GINS1: variants seen among roughly 807,000 people sequenced by gnomAD.
GINS1 encodes DNA replication complex GINS protein PSF1.
In GINS1, 26 loss-of-function variants were observed where a neutral mutation model predicts 34.9. The observed-to-expected ratio is 0.74, with a 90% CI of 0.55 to 1.03. GINS1 has a LOEUF of 1.03. Ranked by LOEUF, GINS1 falls within the 50% of genes least tolerant of loss-of-function variation. The pLI, the probability that GINS1 is intolerant of heterozygous loss-of-function variation, is 0.00. For synonymous variants in GINS1, 97 were observed against 84.4 expected, an observed-to-expected ratio of 1.15 and a Z score of -0.82; for missense variants, 235 against 237.9, an observed-to-expected ratio of 0.99 and a Z score of 0.08.
chr20:25,421,858 T>A (rs2090357451), intron 4 of GINS1, among the ~76,000 whole-genome samples: 1 of 152,188 alleles, frequency 6.6e-6, no homozygotes, highest in Non-Finnish European at 1.5e-5. Flanking sequence ...GTTACACTCT[T>A]CTCAGTGGAG....
intron 5 of GINS1, among the ~76,000 whole-genome samples, chr20:25,429,083 G>A (rs1042377311): frequency 7.0e-6 from 1 of 143,860 alleles, no homozygotes; most frequent in Admixed American, 7.3e-5. Context: ...CCACCTCCTG[G>A]GTTCAAGTGA....
At chr20:25,410,523 A>G (rs1052367502) in intron 1 of GINS1, among the ~76,000 whole-genome samples, 1 of 152,190 alleles carries the variant, frequency 6.6e-6, no homozygotes, top group South Asian at 2.1e-4. Context: ...GAAGGCTGAC[A>G]GTGGATCTGA....
chr20:25,412,628 C>T (rs1017741732), intron 1 of GINS1, among the ~76,000 whole-genome samples: 4 of 152,036 alleles, frequency 2.6e-5, no homozygotes, highest in East Asian at 1.9e-4. Context: ...TTCAGTAGGA[C>T]GATTGATATC....
Position 25,446,123 on chromosome 20 carries a change from T to C in GINS1, c.*132T>C, listed in dbSNP as rs1458639508. 3.8e-6 allele frequency: 2 copies of C among 522,126 alleles called. No homozygotes were observed. The highest frequency in any genetic ancestry group is 3.8e-5 in the African/African-American group (2 of 51,952). 32.3% of individuals were successfully genotyped at this position (522,126 alleles called of 1,614,324 possible). ...ATTGTTTAAGATAACTAAGAATACT[T>C]GGCTAAGAAGTATAATTTGCTAACT... is the stretch of plus-strand genomic sequence containing the variant. On this transcript the variant is annotated 3_prime_UTR_variant, in exon 7 of 7. Coordinates refer to ENST00000262460, the MANE Select transcript of GINS1 (RefSeq NM_021067.5).
intron 5 of GINS1, among the ~76,000 whole-genome samples, chr20:25,436,517 C>G (rs1035563876): frequency 6.6e-6 from 1 of 152,018 alleles, no homozygotes; most frequent in African/African-American, 2.4e-5. Flanking sequence ...TTTTGTTCTT[C>G]AGACTTAGTC....
In GINS1 at chr20:25,441,725, A is replaced by G; in HGVS notation, c.471A>G (p.Gly157=). 1 of 1,566,206 alleles carries G rather than the reference A, an allele frequency of 6.4e-7. No individual in the cohort carries two copies. The highest frequency in any genetic ancestry group is 2.2e-5 in the East Asian group (1 of 44,520). Reference sequence around the variant, plus strand: ...AGGTCCGGTGTCTAAAAGACTATGGAGAATTTGAAGTTGATGATGGCACTT... The same window carrying G: ...AGGTCCGGTGTCTAAAAGACTATGGGGAATTTGAAGTTGATGATGGCACTT... The part of the protein sequence containing the change: ...YIEVRCLKDY[G]EFEVDDGTSV... Residue 157 remains glycine (G), a synonymous_variant, in exon 6 of 7, where the codon GGA becomes GGG. Transcript: ENST00000262460.
At chr20:25,427,202 G>A (rs1009729664) in intron 5 of GINS1, among the ~76,000 whole-genome samples, 6 of 152,038 alleles carry the variant, frequency 3.9e-5, no homozygotes, top group Non-Finnish European at 5.9e-5. Flanking sequence ...TTTTGCTCTT[G>A]TCACCCAGGC....
intron 4 of GINS1, among the ~76,000 whole-genome samples, chr20:25,421,499 A>G (rs1316971133): frequency 6.6e-6 from 1 of 152,220 alleles, no homozygotes; most frequent in East Asian, 1.9e-4. Flanking sequence ...AAGTAGTAAC[A>G]TCCTTTATGT....
intron 4 of GINS1, among the ~76,000 whole-genome samples, chr20:25,421,470 G>T (rs2090354899): frequency 6.6e-6 from 1 of 152,166 alleles, no homozygotes; most frequent in African/African-American, 2.4e-5. Context: ...TTTCAAAGTA[G>T]TAACATCTTT....
chr20:25,437,836 G>T (rs2090461804), intron 5 of GINS1, among the ~76,000 whole-genome samples: 1 of 151,814 alleles, frequency 6.6e-6, no homozygotes, highest in South Asian at 2.1e-4. Context: ...AAGAGAAAAG[G>T]GGCCGGGCAC....
At position 25,407,953 on chromosome 20, in the gene GINS1, CG is replaced by C. The variant is rs961935567; in HGVS notation, c.75+62del. 1.0e-4 allele frequency: 133 copies of C among 1,290,138 alleles called. No homozygotes were observed. The Middle Eastern group carries it at 7.2e-3, about 70-fold the overall frequency. 79.9% of individuals were successfully genotyped at this position (1,290,138 alleles called of 1,614,324 possible). A position where few individuals can be genotyped will look rare whatever the true frequency, so the allele number is the denominator to read the frequency against. The stretch of plus-strand genomic sequence containing the variant: ...CGGCGTTGGGCCCTGGGCTCTGGGG[CG>C]GGGCGGCTCCCCGTCAGGGTTCACT... On this transcript the variant is annotated intron_variant, in intron 1 of 6. Coordinates refer to ENST00000262460, the MANE Select transcript of GINS1 (RefSeq NM_021067.5).
intron 5 of GINS1, 40 bp from the exon 6 acceptor site, chr20:25,441,659 TAAA>T (rs1231446768): frequency 1.0e-6 from 1 of 1,000,464 alleles, no homozygotes; most frequent in Admixed American, 2.2e-5. Flanking sequence ...CACTGCATAT[TAAA>T]AACTAATTTA....
chr20:25,435,856 A>G (rs2090452317), intron 5 of GINS1, among the ~76,000 whole-genome samples: 1 of 134,478 alleles, frequency 7.4e-6, no homozygotes, highest in Admixed American at 8.8e-5. Context: ...ACTGTCACCC[A>G]GGCTGGAGTG....
Position 25,446,035 on chromosome 20 carries a change from C to G in GINS1, c.*44C>G, listed in dbSNP as rs188232588. 7 of 1,069,598 alleles carry G rather than the reference C, an allele frequency of 6.5e-6. No homozygotes were observed. The African/African-American group carries it at 9.7e-5, about 15-fold the overall frequency. The allele number at this position is 1,069,598 out of a possible 1,614,324, so 66.3% of individuals were successfully genotyped here. A position where few individuals can be genotyped will look rare whatever the true frequency, so the allele number is the denominator to read the frequency against. On this transcript the variant is annotated 3_prime_UTR_variant, in exon 7 of 7. Coordinates refer to ENST00000262460, the MANE Select transcript of GINS1 (RefSeq NM_021067.5). ...CCAGGCTTCACTCAACTCATGGACT[C>G]CTCTGTACTCACTCTCTCCACCACT...
intron 5 of GINS1, among the ~76,000 whole-genome samples, chr20:25,427,948 T>C (rs1488617541): frequency 1.4e-5 from 2 of 147,206 alleles, no homozygotes; most frequent in Non-Finnish European, 3.0e-5. Flanking sequence ...CTCGGCTCAC[T>C]GCAACCCCTG....
intron 5 of GINS1, among the ~76,000 whole-genome samples, chr20:25,436,454 A>G (rs1185220359): frequency 9.2e-5 from 14 of 151,974 alleles, no homozygotes; most frequent in Admixed American, 9.2e-4. Flanking sequence ...GGTTTGCTTG[A>G]TGGTGCCCTT....
intron 1 of GINS1, among the ~76,000 whole-genome samples, chr20:25,411,943 C>T (rs1252034996): frequency 2.2e-5 from 3 of 136,136 alleles, no homozygotes; most frequent in African/African-American, 8.2e-5. Context: ...AACTCCGTCT[C>T]AAAAAAAAAA....
At chr20:25,442,610 ATT>A (rs146610455) in intron 6 of GINS1, among the ~76,000 whole-genome samples, 59,737 of 123,712 alleles carry the variant, frequency 0.48, 12,851 homozygotes, top group East Asian at 0.91. Context: ...TATTATTATT[ATT>A]TTTTTTTTTT....
In GINS1 at chr20:25,446,080, AT is replaced by A. The variant is rs1240916664; in HGVS notation, c.*93del. The stretch of plus-strand genomic sequence containing the variant: ...ACCACTCCCTTCACCTCCCTCTTTG[AT>A]TTTAGAAGCTATAGACATTGTTTAA... On this transcript the variant is annotated 3_prime_UTR_variant, in exon 7 of 7. Transcript: ENST00000262460. 4.5e-6 allele frequency: 3 copies of A among 671,000 alleles called. No individual in the cohort carries two copies. Among genetic ancestry groups the A allele is most frequent in the African/African-American group, 1.8e-5 (1 of 55,424 alleles). 41.6% of individuals were successfully genotyped at this position (671,000 alleles called of 1,614,324 possible). A position where few individuals can be genotyped will look rare whatever the true frequency, so the allele number is the denominator to read the frequency against.
Sources: gnomAD v4.1 joint callset for allele counts (sites outside exome capture counted in the v4.1 genomes callset) on GRCh38, gnomAD v4.1.1 for gene constraint, MANE v1.5 for transcripts, NCBI Gene and HGNC (gene_info 2026-07-23, HGNC 2026-07-21) for gene names.